The following GALNTL6 variants were observed in gnomAD, a reference collection of about 807,000 sequenced individuals.
The protein encoded by GALNTL6 is polypeptide N-acetylgalactosaminyltransferase like 6.
Under a neutral mutation model 73.7 loss-of-function variants are expected in GALNTL6, and 46 were observed. That is an observed-to-expected ratio of 0.62 (90% CI 0.49 to 0.80). GALNTL6 has a LOEUF of 0.80. Among genes scored for constraint, GALNTL6 ranks in the 30% least tolerant of loss-of-function variants. The pLI, the probability that GALNTL6 is intolerant of heterozygous loss-of-function variation, is 0.00. For missense variants in GALNTL6, 604 were observed against 755.0 expected (o/e 0.80, Z 2.34); for synonymous variants, 259 against 263.7 (o/e 0.98, Z 0.17).
intron 7 of GALNTL6, among the ~76,000 whole-genome samples, chr4:172,870,518 C>A (rs1291912673): frequency 6.6e-6 from 1 of 152,140 alleles, no homozygotes; most frequent in African/African-American, 2.4e-5. Context: ...CAGGTAATAG[C>A]CTTTCGCTTT....
chr4:173,025,205 T>C (rs1753183414), intron 12 of GALNTL6, among the ~76,000 whole-genome samples: 1 of 152,226 alleles, frequency 6.6e-6, no homozygotes, highest in African/African-American at 2.4e-5. Flanking sequence ...AGCTGTTTCC[T>C]ACAATAACAG....
At chr4:171,909,891 A>C (rs1737422158) in intron 2 of GALNTL6, among the ~76,000 whole-genome samples, 1 of 152,150 alleles carries the variant, frequency 6.6e-6, no homozygotes, top group Non-Finnish European at 1.5e-5. Context: ...TAATAGTCAA[A>C]GCATCAAAGA....
At chr4:171,884,685 G>T (rs1412651664) in intron 2 of GALNTL6, among the ~76,000 whole-genome samples, 1 of 152,022 alleles carries the variant, frequency 6.6e-6, no homozygotes, top group Non-Finnish European at 1.5e-5. Context: ...TGGGTCATTT[G>T]TGGTAACTAG....
At chr4:172,163,580 C>T (rs1734535512) in intron 2 of GALNTL6, among the ~76,000 whole-genome samples, 1 of 151,972 alleles carries the variant, frequency 6.6e-6, no homozygotes, top group African/African-American at 2.4e-5. Flanking sequence ...TACAAGTCTT[C>T]AACACTTTGC....
intron 5 of GALNTL6, among the ~76,000 whole-genome samples, chr4:172,772,829 G>A (rs9997085): frequency 0.53 from 79,987 of 151,894 alleles, 21,767 homozygotes; most frequent in East Asian, 0.78. Flanking sequence ...TTAAATGGGA[G>A]TATTATCATG....
intron 2 of GALNTL6, among the ~76,000 whole-genome samples, chr4:172,032,438 G>A (rs1034340812): frequency 6.6e-6 from 1 of 152,010 alleles, no homozygotes; most frequent in African/African-American, 2.4e-5. Flanking sequence ...TAATGCTAAA[G>A]AATTATCTTA....
intron 3 of GALNTL6, among the ~76,000 whole-genome samples, chr4:172,310,728 A>G (rs1740324403): frequency 1.3e-5 from 2 of 152,288 alleles, no homozygotes; most frequent in South Asian, 4.1e-4. Context: ...GAGTTTTTAA[A>G]TAGATACTAA....
intron 3 of GALNTL6, among the ~76,000 whole-genome samples, chr4:172,259,643 G>T (rs956993405): frequency 4.6e-5 from 7 of 150,944 alleles, no homozygotes; most frequent in Admixed American, 6.6e-5. Flanking sequence ...TTTTGTTTTT[G>T]TTGTTTGCTG....
At chr4:172,426,828 A>G (rs1396499213) in intron 5 of GALNTL6, among the ~76,000 whole-genome samples, 2 of 152,158 alleles carry the variant, frequency 1.3e-5, no homozygotes, top group African/African-American at 4.8e-5. Flanking sequence ...ACCACAGCAC[A>G]GTTAGCAGAA....
intron 2 of GALNTL6, among the ~76,000 whole-genome samples, chr4:172,116,146 G>A (rs890101984): frequency 4.6e-5 from 7 of 151,850 alleles, no homozygotes; most frequent in South Asian, 2.1e-4. Context: ...TTTATTCTAC[G>A]ATTATCTTAT....
rs183721460 is a variant in GALNTL6, at chr4:172,425,598, A to G, written c.553+76909A>G. The stretch of plus-strand genomic sequence containing the variant: ...AAGCATGACTGATGCTGTCTATCAC[A>G]GAATACACCTTCTCATAATAAGAGC... On this transcript the variant is annotated intron_variant, in intron 5 of 12. Transcript: ENST00000506823. Among the ~76,000 whole-genome samples the G allele has an allele frequency of 1.4e-4, 22 of 152,142 alleles. No homozygotes were observed. In the East Asian group the frequency reaches 3.9e-3, roughly 27 times the overall value.
rs368959980 is a variant in GALNTL6, at chr4:172,958,703, T to C, written c.1371+6445T>C. On this transcript the variant is annotated intron_variant, in intron 10 of 12. Coordinates refer to ENST00000506823, the MANE Select transcript of GALNTL6 (RefSeq NM_001034845.3). ...AACAGATGAGGAAGAAATTTGGGCT[T>C]GACTGAAGTAATGGGGGCTGTCTGT... Among the ~76,000 whole-genome samples, 6 of 152,178 alleles carry C rather than the reference T, an allele frequency of 3.9e-5. No individual in the cohort carries two copies. The South Asian group carries it at 8.3e-4, about 21-fold the overall frequency.
chr4:172,222,556 A>G (rs1262885367), intron 2 of GALNTL6, among the ~76,000 whole-genome samples: 1 of 134,266 alleles, frequency 7.4e-6, no homozygotes, highest in Non-Finnish European at 1.6e-5. Context: ...TCCTCAAAAT[A>G]AAATCGAAGC....
chr4:172,798,023 T>C (rs930603723), intron 5 of GALNTL6, among the ~76,000 whole-genome samples: 5 of 152,186 alleles, frequency 3.3e-5, no homozygotes, highest in Non-Finnish European at 5.9e-5. Flanking sequence ...TCTATGCAGC[T>C]TGGTGATTTA....
chr4:171,931,670 TGTGTG>T (rs1462883110), intron 2 of GALNTL6, among the ~76,000 whole-genome samples: 1 of 152,230 alleles, frequency 6.6e-6, no homozygotes, highest in African/African-American at 2.4e-5. Flanking sequence ...ATTCTGATAC[TGTGTG>T]GTTAGTCAAA....
At chr4:172,772,631 C>G (rs1308185426) in intron 5 of GALNTL6, among the ~76,000 whole-genome samples, 2 of 151,988 alleles carry the variant, frequency 1.3e-5, no homozygotes, top group East Asian at 3.9e-4. Flanking sequence ...CAACTTGGTT[C>G]TTCTGTCTCA....
chr4:172,679,663 T>C (rs544375970), intron 5 of GALNTL6, among the ~76,000 whole-genome samples: 2 of 152,232 alleles, frequency 1.3e-5, no homozygotes, highest in South Asian at 2.1e-4. Flanking sequence ...CAACCTGTTA[T>C]TATTATCATC....
At chr4:172,015,923 A>ATT (rs70941375) in intron 2 of GALNTL6, among the ~76,000 whole-genome samples, 483 of 44,082 alleles carry the variant, frequency 0.011, 2 homozygotes, top group Non-Finnish European at 0.014. Context: ...ATCTAATAGG[A>ATT]TTTTTTTTTT....
intron 5 of GALNTL6, among the ~76,000 whole-genome samples, chr4:172,522,961 A>G (rs1487469473): frequency 1.3e-5 from 2 of 152,058 alleles, no homozygotes; most frequent in Non-Finnish European, 2.9e-5. Flanking sequence ...GATTGCTCTC[A>G]ATAGCCAATT....
Sources: allele counts gnomAD v4.1 joint callset (sites outside exome capture counted in the v4.1 genomes callset), GRCh38; gene constraint gnomAD v4.1.1; transcripts MANE v1.5; gene names NCBI Gene and HGNC (gene_info 2026-07-23, HGNC 2026-07-21).